Variants in MON1B observed in about 807,000 individuals in gnomAD.
The protein encoded by MON1B is vacuolar fusion protein MON1 homolog B.
Under a neutral mutation model 45.1 loss-of-function variants are expected in MON1B, and 26 were observed. That is an observed-to-expected ratio of 0.58 (90% CI 0.42 to 0.80). The LOEUF (loss-of-function observed/expected upper bound fraction) is 0.80, where lower values mean the gene tolerates loss of function less well. Ranked by LOEUF, MON1B falls within the 30% of genes least tolerant of loss-of-function variation. The probability of loss-of-function intolerance (pLI) is 0.00; values close to 1 mark genes in which losing one functional copy is unlikely to be tolerated. For missense variants in MON1B, 737 were observed against 754.5 expected (o/e 0.98, Z 0.27); for synonymous variants, 395 against 320.2 (o/e 1.23, Z -2.49).
At position 77,194,393 on chromosome 16, in the gene MON1B, G is replaced by C; in HGVS notation, c.534G>C (p.Arg178=). The change falls in exon 4 of 6, where the codon CGG becomes CGC. Residue 178 remains arginine, a synonymous_variant. Transcript: ENST00000248248. The surrounding 1 kb of genome is among the most constrained non-coding windows in gnomAD (Gnocchi z 8.1). ...QGPLLLVAMS[R]TSQSAAQLRG... ...CACTGTTGCTCGTGGCCATGTCACG[G>C]ACTTCTCAGTCAGCAGCCCAGCTGC... The C allele has an allele frequency of 6.2e-7, 1 of 1,612,820 alleles. No homozygotes were observed. Among genetic ancestry groups the C allele is most frequent in the South Asian group, 1.1e-5 (1 of 91,080 alleles).
chr16:77,196,665 A>G (rs572841728), intron 5 of MON1B, among the ~76,000 whole-genome samples: 1 of 152,312 alleles, frequency 6.6e-6, no homozygotes, highest in Admixed American at 6.5e-5. Flanking sequence ...AGTCCCAGCT[A>G]TTCATAAGGC....
rs1186423822 is a variant in MON1B, at chr16:77,193,438, G to A, written c.149-13G>A. 2 of 1,536,600 alleles carry A rather than the reference G, an allele frequency of 1.3e-6. No homozygotes were observed. Among genetic ancestry groups the A allele is most frequent in the Non-Finnish European group, 1.8e-6 (2 of 1,141,594 alleles). Reference sequence around the variant, plus strand: ...GTTCACATGCAGATGACCCACCAGGGGCTCCCTTTCAGGATCCAAGGACAA... The same window carrying A: ...GTTCACATGCAGATGACCCACCAGGAGCTCCCTTTCAGGATCCAAGGACAA... On this transcript the variant is annotated splice_polypyrimidine_tract_variant and intron_variant, in intron 2 of 5. Transcript: ENST00000248248. This position sits in a 1 kb window ranked among gnomAD's most constrained non-coding sequence, Gnocchi z 5.0.
rs968325566 is a variant in MON1B at position 77,193,068 on chromosome 16, A to C, written c.149-383A>C. Among the ~76,000 whole-genome samples, 1 of 152,070 alleles carries C rather than the reference A, an allele frequency of 6.6e-6. No homozygotes were observed. Among genetic ancestry groups the C allele is most frequent in the African/African-American group, 2.4e-5 (1 of 41,362 alleles). ...GTGAGCAGATATCAGGAGAAAAAAT[A>C]GCGGTCAGAGGAGTTAATGGGGGAT... On this transcript the variant is annotated intron_variant, in intron 2 of 5. Coordinates refer to ENST00000248248, the MANE Select transcript of MON1B (RefSeq NM_014940.4). The surrounding 1 kb of genome is among the most constrained non-coding windows in gnomAD (Gnocchi z 5.0).
intron 4 of MON1B, 100 bp downstream of exon 4, chr16:77,195,254 G>A: frequency 5.7e-6 from 7 of 1,220,700 alleles, no homozygotes; most frequent in Non-Finnish European, 5.5e-6. Flanking sequence ...AACCAGCCAT[G>A]CTTAAGAAAG....
In MON1B at chr16:77,193,683, T is replaced by A. The variant is rs1428435728; in HGVS notation, c.381T>A (p.Gly127=). The A allele has an allele frequency of 1.2e-6, 2 of 1,613,868 alleles. No individual in the cohort carries two copies. Among genetic ancestry groups the A allele is most frequent in the Admixed American group, 3.3e-5 (2 of 60,002 alleles). Residue 127 remains glycine (G), a synonymous_variant, in exon 3 of 6, where the codon GGT becomes GGA. Coordinates refer to ENST00000248248, the MANE Select transcript of MON1B (RefSeq NM_014940.4). The surrounding 1 kb of genome is among the most constrained non-coding windows in gnomAD (Gnocchi z 5.0). ...EAGKPIYSRY[G]SVEALSATMG... ...GCAAGCCCATCTACTCGCGGTATGGTAGTGTGGAGGCGCTGTCGGCTACCA... is the reference window on the plus strand; with the variant it reads ...GCAAGCCCATCTACTCGCGGTATGGAAGTGTGGAGGCGCTGTCGGCTACCA...
Position 77,197,185 on chromosome 16 carries a change from C to G in MON1B, c.1444-923C>G, listed in dbSNP as rs373553247. Among the ~76,000 whole-genome samples, 4 of 152,112 alleles carry G rather than the reference C, an allele frequency of 2.6e-5. No individual in the cohort carries two copies. The East Asian group carries it at 7.8e-4, about 30-fold the overall frequency. On this transcript the variant is annotated intron_variant, in intron 5 of 5. Coordinates refer to ENST00000248248, the MANE Select transcript of MON1B (RefSeq NM_014940.4). ...GGGAGTGGGCGGCGAGTCACAAGGT[C>G]AGGAGTTCGAGACCAGCCTGGCCAA... is the stretch of plus-strand genomic sequence containing the variant.
rs188117951 is a variant in MON1B, at chr16:77,198,518, C to G, written c.*210C>G. The G allele has an allele frequency of 3.9e-4, 232 of 599,404 alleles. No homozygotes were observed. The highest frequency in any genetic ancestry group is 5.4e-4 in the Non-Finnish European group (183 of 338,980). 37.1% of individuals were successfully genotyped at this position (599,404 alleles called of 1,614,324 possible). Reference sequence around the variant, plus strand: ...TTCCCTGCCCAGTCATGCACCTCCCCCTCTGGGGAAATCCTTAGGCCTCCC... The same window carrying G: ...TTCCCTGCCCAGTCATGCACCTCCCGCTCTGGGGAAATCCTTAGGCCTCCC... On this transcript the variant is annotated 3_prime_UTR_variant, in exon 6 of 6. Transcript: ENST00000248248.
chr16:77,194,909 G>A lies in MON1B; in HGVS notation c.1050G>A (p.Leu350=), dbSNP rs1171844990. The change falls in exon 4 of 6, where the codon CTG becomes CTA. Residue 350 remains leucine, a synonymous_variant. Transcript: ENST00000248248. This position sits in a 1 kb window ranked among gnomAD's most constrained non-coding sequence, Gnocchi z 8.1. ...GCCTGGATGCTATGCCTGTCTGCCT[G>A]CTGCTGCTTGGCACCCAACGTGAAG... ...VARLDAMPVC[L]LLLGTQREAF... is the part of the protein sequence containing the mutation. 6.2e-7 allele frequency: 1 copy of A among 1,613,370 alleles called. No individual in the cohort carries two copies. Among genetic ancestry groups the A allele is most frequent in the Non-Finnish European group, 8.5e-7 (1 of 1,180,022 alleles).
In MON1B at chr16:77,200,272, G is replaced by GTATATATA. The variant is rs1333107439; in HGVS notation, c.*1965_*1966insATATATAT. On this transcript the variant is annotated 3_prime_UTR_variant, in exon 6 of 6. Coordinates refer to ENST00000248248, the MANE Select transcript of MON1B (RefSeq NM_014940.4). ...TGTATATGTGTATATATATATATAT[G>GTATATATA]TGTATATATATATATATATACACAC... 3.5e-5 allele frequency: 3 copies of GTATATATA among 84,654 alleles called. No homozygotes were observed. Among genetic ancestry groups the GTATATATA allele is most frequent in the Non-Finnish European group, 7.0e-5 (3 of 42,936 alleles). 5.2% of individuals were successfully genotyped at this position (84,654 alleles called of 1,614,324 possible). A position where few individuals can be genotyped will look rare whatever the true frequency, so the allele number is the denominator to read the frequency against.
In MON1B at chr16:77,198,101, C is replaced by T. The variant is rs2054685121; in HGVS notation, c.1444-7C>T. ...CCATCTGACTCTGTCTCCTCCGAAA[C>T]CCCCAGGTGACCTCCAAATTCGAGC... is the stretch of plus-strand genomic sequence containing the variant. On this transcript the variant is annotated splice_region_variant and splice_polypyrimidine_tract_variant and intron_variant, in intron 5 of 5. Coordinates refer to ENST00000248248, the MANE Select transcript of MON1B (RefSeq NM_014940.4). 6.2e-7 allele frequency: 1 copy of T among 1,613,716 alleles called. No individual in the cohort carries two copies. The highest frequency in any genetic ancestry group is 8.5e-7 in the Non-Finnish European group (1 of 1,179,786).
Position 77,193,387 on chromosome 16 carries a change from C to A in MON1B, c.149-64C>A. 6.9e-7 allele frequency: 1 copy of A among 1,455,588 alleles called. No individual in the cohort carries two copies. The highest frequency in any genetic ancestry group is 9.3e-7 in the Non-Finnish European group (1 of 1,077,710). The allele number at this position is 1,455,588 out of a possible 1,614,324, so 90.2% of individuals were successfully genotyped here. On this transcript the variant is annotated intron_variant, in intron 2 of 5. Coordinates refer to ENST00000248248, the MANE Select transcript of MON1B (RefSeq NM_014940.4). The surrounding 1 kb of genome is among the most constrained non-coding windows in gnomAD (Gnocchi z 5.0). ...AGGGGCTAGTAGATATTTGGTGGGT[C>A]CTTGGGGATGTGGGATTAGTTAGGA...
Position 77,195,575 on chromosome 16 carries a change from C to T in MON1B, c.1336C>T (p.Gln446Ter), listed in dbSNP as rs769820253. ...EAPYSREEER[Q>*]RLSDLYHRLH... ...CCCCTACAGCAGAGAGGAGGAGCGG[C>T]AGCGGCTGTCGGACCTGTACCACCG... Residue 446 changes from glutamine (Q) to a stop codon, truncating the protein, a stop_gained, in exon 5 of 6, where the codon CAG (glutamine) becomes TAG (stop). Transcript: ENST00000248248. LOFTEE classifies it high-confidence loss of function. 6.2e-7 allele frequency: 1 copy of T among 1,613,650 alleles called. No homozygotes were observed. Among genetic ancestry groups the T allele is most frequent in the Non-Finnish European group, 8.5e-7 (1 of 1,179,884 alleles).
At position 77,195,069 on chromosome 16, in the gene MON1B, GCT is replaced by G; in HGVS notation, c.1211_1212del (p.Ala404GlyfsTer12). 1.2e-6 allele frequency: 2 copies of G among 1,607,554 alleles called. No individual in the cohort carries two copies. Among genetic ancestry groups the G allele is most frequent in the Non-Finnish European group, 1.7e-6 (2 of 1,179,808 alleles). ...CAGTGCTCCTGCCTACAGCGTGCAG[GCT>G]GTCGGGGCGCCGGGCCTCCGGCACT... ...SASAPAYSVQ[A>X]VGAPGLRHFL... On this transcript the variant is annotated frameshift_variant, in exon 4 of 6. Transcript: ENST00000248248. LOFTEE classifies it high-confidence loss of function.
chr16:77,198,009 C>T, intron 5 of MON1B, 99 bp from the exon 6 acceptor site: 2 of 1,204,854 alleles, frequency 1.7e-6, no homozygotes, highest in South Asian at 1.3e-5. Flanking sequence ...GGTACATGTT[C>T]CAGGTTGCAG....
intron 5 of MON1B, 99 bp downstream of exon 5, chr16:77,195,781 C>T: frequency 6.9e-7 from 1 of 1,450,892 alleles, no homozygotes; most frequent in Non-Finnish European, 9.4e-7. Context: ...CCAAACACAG[C>T]AGGCCTCTGG....
intron 4 of MON1B, 114 bp downstream of exon 4, chr16:77,195,268 G>A (rs2054654077): frequency 4.3e-6 from 5 of 1,150,982 alleles, no homozygotes; most frequent in South Asian, 1.6e-5. Context: ...AAGAAAGAGG[G>A]AAGAGAACAA....
Position 77,194,546 on chromosome 16 carries a change from G to C in MON1B, c.687G>C (p.Leu229=). The C allele has an allele frequency of 6.2e-7, 1 of 1,614,044 alleles. No individual in the cohort carries two copies. ...RRLLAGSERT[L]DRLLDSMEQD... ...TGCTGGCTGGTTCAGAGCGCACACT[G>C]GACCGACTTCTGGACAGTATGGAGC... Residue 229 remains leucine, a synonymous_variant, in exon 4 of 6, where the codon CTG becomes CTC. Transcript: ENST00000248248. This position sits in a 1 kb window ranked among gnomAD's most constrained non-coding sequence, Gnocchi z 8.1.
intron 5 of MON1B, among the ~76,000 whole-genome samples, chr16:77,196,723 C>T (rs940834176): frequency 3.3e-5 from 5 of 152,158 alleles, no homozygotes; most frequent in Non-Finnish European, 4.4e-5. Flanking sequence ...TTGCCGTGAG[C>T]CAAGATCGCG....
intron 5 of MON1B, among the ~76,000 whole-genome samples, chr16:77,197,169 C>G (rs565330541): frequency 6.6e-6 from 1 of 151,766 alleles, no homozygotes; most frequent in African/African-American, 2.4e-5. Context: ...GGGGAGTGGG[C>G]GGCGAGTCAC....
Sources: allele counts gnomAD v4.1 joint callset (sites outside exome capture counted in the v4.1 genomes callset), GRCh38; gene constraint gnomAD v4.1.1; non-coding constraint Gnocchi (gnomAD v3.1); transcripts MANE v1.5; gene names NCBI Gene and HGNC (gene_info 2026-07-23, HGNC 2026-07-21).